The following KDM5C variants were observed in gnomAD, a reference collection of about 807,000 sequenced individuals.
KDM5C encodes the protein lysine-specific demethylase 5C.
Under a neutral mutation model 110.6 loss-of-function variants are expected in KDM5C, and 16 were observed. The ratio of observed to expected loss-of-function variants is 0.14; its 90% CI spans 0.10 to 0.22. The LOEUF (loss-of-function observed/expected upper bound fraction) is 0.22, where lower values mean the gene tolerates loss of function less well. Ranked by LOEUF, KDM5C falls within the 10% of genes least tolerant of loss-of-function variation. KDM5C has a pLI of 1.00. For synonymous variants in KDM5C, 511 were observed against 520.4 expected (o/e 0.98, Z 0.24); for missense variants, 681 against 1,300.9 (o/e 0.52, Z 7.33).
chrX:53,213,526 A>G (rs2073645248), intron 8 of KDM5C, among the ~76,000 whole-genome samples: 2 of 111,120 alleles, frequency 1.8e-5, no homozygotes, highest in African/African-American at 6.6e-5. Context: ...TACCTGCCCA[A>G]CTTCCTGGCT....
In KDM5C at chrX:53,195,908, G is replaced by T; in HGVS notation, c.3120+8C>A. The T allele has an allele frequency of 1.7e-6, 2 of 1,204,835 alleles. No individual in the cohort carries two copies. The highest frequency in any genetic ancestry group is 1.1e-6 in the Non-Finnish European group (1 of 891,806). On this transcript the variant is annotated splice_region_variant and intron_variant, in intron 20 of 25. Transcript: ENST00000375401. ...GAAGGCCTGGGGTGGGAGTGGCAGG[G>T]TCCTCACTTGGATCTCATCAACATC...
In KDM5C at chrX:53,195,106, C is replaced by G. The variant is rs782052573; in HGVS notation, c.3301-38G>C. 9 of 1,193,259 alleles carry G rather than the reference C, an allele frequency of 7.5e-6. No individual in the cohort carries two copies. In the East Asian group the frequency reaches 2.7e-4, roughly 36 times the overall value. On this transcript the variant is annotated intron_variant, in intron 21 of 25. Coordinates refer to ENST00000375401, the MANE Select transcript of KDM5C (RefSeq NM_004187.5). ...GACAAGAGAGGGAATGACTGGGCTT[C>G]CCTTACATCCCCCGCCTCCTTCCCT...
At chrX:53,223,399 G>A (rs1285270454) in intron 1 of KDM5C, among the ~76,000 whole-genome samples, 1 of 110,692 alleles carries the variant, frequency 9.0e-6, no homozygotes, top group Non-Finnish European at 1.9e-5. Context: ...GAAGAAATTC[G>A]CTTACCCAAC....
At chrX:53,208,662 C>T (rs1176509247) in intron 12 of KDM5C, among the ~76,000 whole-genome samples, 9 of 105,039 alleles carry the variant, frequency 8.6e-5, no homozygotes, top group East Asian at 3.0e-4. Flanking sequence ...CGTGCCACCA[C>T]GCCCGGCTAA....
chrX:53,211,590 C>G lies in KDM5C; in HGVS notation c.1308G>C (p.Val436=), dbSNP rs1556848887. The G allele has an allele frequency of 8.3e-7, 1 of 1,211,610 alleles. No homozygotes were observed. The highest frequency in any genetic ancestry group is 2.2e-5 in the Admixed American group (1 of 46,051). ...WRLVNSIEED[V]TVEYGADIHS... is the part of the protein sequence containing the mutation. ...GGATGTCAGCTCCATACTCAACAGTCACATCTTCCTCAATGCTATTTACCA... is the reference window on the plus strand; with the variant it reads ...GGATGTCAGCTCCATACTCAACAGTGACATCTTCCTCAATGCTATTTACCA... Residue 436 remains valine (V), a synonymous_variant, in exon 10 of 26, where the codon GTG becomes GTC. Coordinates refer to ENST00000375401, the MANE Select transcript of KDM5C (RefSeq NM_004187.5).
At chrX:53,223,223 G>A (rs2073943326) in intron 1 of KDM5C, among the ~76,000 whole-genome samples, 1 of 111,564 alleles carries the variant, frequency 9.0e-6, no homozygotes, top group Non-Finnish European at 1.9e-5. Flanking sequence ...CGTCAGCTAT[G>A]CCTCTTTTTC....
At chrX:53,214,307 T>A in intron 8 of KDM5C, 1 of 148,449 alleles carries the variant, frequency 6.7e-6, no homozygotes, top group Non-Finnish European at 1.3e-5. Flanking sequence ...ACTCAGAAAT[T>A]GAAAGAACAT....
At position 53,192,554 on chromosome X, in the gene KDM5C, A is replaced by T; in HGVS notation, c.*413T>A. 2.9e-6 allele frequency: 1 copy of T among 347,749 alleles called. No homozygotes were observed. The allele number at this position is 347,749 out of a possible 1,213,427, so 28.7% of individuals were successfully genotyped here. On this transcript the variant is annotated 3_prime_UTR_variant, in exon 26 of 26. Coordinates refer to ENST00000375401, the MANE Select transcript of KDM5C (RefSeq NM_004187.5). ...GGAAGGAAGGAAAAGAGGGGAGGAG[A>T]GTGGGGGCAGGGGTTAGTGTAGCAT... is the stretch of plus-strand genomic sequence containing the variant.
downstream of KDM5C, among the ~76,000 whole-genome samples, chrX:53,190,535 C>T (rs1934373762): frequency 8.9e-6 from 1 of 111,994 alleles, no homozygotes; most frequent in African/African-American, 3.2e-5. Context: ...CCTGCCCATC[C>T]CAGCTCTCAC....
At position 53,192,870 on chromosome X, in the gene KDM5C, C is replaced by G; in HGVS notation, c.*97G>C. 1 of 548,174 alleles carries G rather than the reference C, an allele frequency of 1.8e-6. No individual in the cohort carries two copies. The allele number at this position is 548,174 out of a possible 1,213,427, so 45.2% of individuals were successfully genotyped here. A position where few individuals can be genotyped will look rare whatever the true frequency, so the allele number is the denominator to read the frequency against. Reference sequence around the variant, plus strand: ...GGTAGCAGGGATGGCCACCCCCCTACCCGCCCACCCCCCAAGAAGCAGGCT... The same window carrying G: ...GGTAGCAGGGATGGCCACCCCCCTAGCCGCCCACCCCCCAAGAAGCAGGCT... On this transcript the variant is annotated 3_prime_UTR_variant, in exon 26 of 26. Transcript: ENST00000375401.
chrX:53,225,166 A>T lies in KDM5C; in HGVS notation c.-277T>A, dbSNP rs1046550824. ...CTTCGCCACCACAGTTACCTCCCAA[A>T]CGCCGCGGCCTTCAGCGCCGCCGCC... is the stretch of plus-strand genomic sequence containing the variant. On this transcript the variant is annotated 5_prime_UTR_variant, in exon 1 of 26. Transcript: ENST00000375401. The T allele has an allele frequency of 2.2e-5, 7 of 318,085 alleles. No homozygotes were observed. Among genetic ancestry groups the T allele is most frequent in the South Asian group, 1.2e-4 (1 of 8,618 alleles). 26.2% of individuals were successfully genotyped at this position (318,085 alleles called of 1,213,427 possible). A position where few individuals can be genotyped will look rare whatever the true frequency, so the allele number is the denominator to read the frequency against.
chrX:53,195,204 G>A (rs375084859), intron 21 of KDM5C, 27 bp downstream of exon 21: 21 of 1,188,361 alleles, frequency 1.8e-5, no homozygotes, highest in Middle Eastern at 2.3e-4. Context: ...GTTAAGAGAC[G>A]CTGTAGGTCA....
At chrX:53,214,952 A>C in intron 7 of KDM5C, 105 bp from the exon 8 acceptor site, 3 of 853,320 alleles carry the variant, frequency 3.5e-6, no homozygotes, top group Non-Finnish European at 3.4e-6. Context: ...TCTGGAGCTC[A>C]ACTGCACGTA....
In KDM5C at chrX:53,201,619, T is replaced by G; in HGVS notation, c.1992A>C (p.Ala664=). Residue 664 remains alanine, a synonymous_variant, in exon 14 of 26, where the codon GCA becomes GCC. Transcript: ENST00000375401. ...CPEKLDLNLA[A]AVHKEMFIMV... ...TGATGAACATCTCCTTATGCACAGC[T>G]GCCGCCAGGTTCAGGTCTAGCTTCT... is the stretch of plus-strand genomic sequence containing the variant. The G allele has an allele frequency of 1.7e-6, 2 of 1,212,078 alleles. No individual in the cohort carries two copies. The highest frequency in any genetic ancestry group is 2.2e-6 in the Non-Finnish European group (2 of 895,571).
chrX:53,203,036 G>C lies in KDM5C; in HGVS notation c.1747-1063C>G, dbSNP rs184081833. ...GGTTTCACCGTGGTCTCGATCTCCT[G>C]ACCTCGTGATCCGCCCGCCTCGGCC... On this transcript the variant is annotated intron_variant, in intron 12 of 25. Transcript: ENST00000375401. Among the ~76,000 whole-genome samples the C allele has an allele frequency of 8.6e-3, 948 of 110,429 alleles. 12 individuals carry two copies. Among genetic ancestry groups the C allele is most frequent in the African/African-American group, 0.03 (904 of 30,362 alleles).
chrX:53,196,395 C>T (rs1252744510), intron 19 of KDM5C, among the ~76,000 whole-genome samples: 14 of 112,734 alleles, frequency 1.2e-4, no homozygotes, highest in African/African-American at 4.5e-4. Flanking sequence ...CAACATCTGC[C>T]CATCTGCCTG....
In KDM5C at chrX:53,210,774, A is replaced by G. The variant is rs988762432; in HGVS notation, c.1485T>C (p.Ser495=). Residue 495 remains serine (S), a synonymous_variant, in exon 11 of 26, where the codon TCT becomes TCC. Transcript: ENST00000375401. ...SVLCHINADI[S]GMKVPWLYVG... ...CGTAGAGCCAGGGCACCTTCATGCC[A>G]GAGATATCTGCATTGATGTGGCACA... 8.3e-7 allele frequency: 1 copy of G among 1,209,166 alleles called. No homozygotes were observed. The highest frequency in any genetic ancestry group is 1.1e-6 in the Non-Finnish European group (1 of 894,336).
Position 53,198,572 on chromosome X carries a change from G to A in KDM5C, c.2434C>T (p.Leu812=). ...CTCAGGCAGTTCTTTAGTTGCTGCA[G>A]CAGCTCACTATTAGGAAACCTCCGC... ...RERRFPNSEL[L]QQLKNCLSEA... Residue 812 remains leucine, a synonymous_variant, in exon 17 of 26, where the codon CTG becomes TTG. Coordinates refer to ENST00000375401, the MANE Select transcript of KDM5C (RefSeq NM_004187.5). The A allele has an allele frequency of 2.5e-6, 3 of 1,211,555 alleles. No homozygotes were observed. Among genetic ancestry groups the A allele is most frequent in the Non-Finnish European group, 3.4e-6 (3 of 895,262 alleles).
At chrX:53,197,363 C>T (rs1168933616) in intron 18 of KDM5C, among the ~76,000 whole-genome samples, 3 of 111,309 alleles carry the variant, frequency 2.7e-5, no homozygotes, top group African/African-American at 6.5e-5. Context: ...CACCAAGAGA[C>T]CTCCCTGCCC....
Sources: allele counts gnomAD v4.1 joint callset (sites outside exome capture counted in the v4.1 genomes callset), GRCh38; gene constraint gnomAD v4.1.1; transcripts MANE v1.5; gene names NCBI Gene and HGNC (gene_info 2026-07-23, HGNC 2026-07-21).